DCHS2: variants seen among roughly 807,000 people sequenced by gnomAD.
The protein encoded by DCHS2 is protocadherin-23.
In DCHS2, 142 loss-of-function variants were observed where a neutral mutation model predicts 182.4. That is an observed-to-expected ratio of 0.78 (90% CI 0.68 to 0.89). DCHS2 has a LOEUF of 0.89. Among genes scored for constraint, DCHS2 ranks in the 40% least tolerant of loss-of-function variants. DCHS2 has a pLI of 0.00. For missense variants in DCHS2, 4,319 were observed against 4,198.6 expected, an observed-to-expected ratio of 1.03 and a Z score of -0.79; for synonymous variants, 1,740 against 1,663.3, an observed-to-expected ratio of 1.05 and a Z score of -1.12.
intron 10 of DCHS2, among the ~76,000 whole-genome samples, chr4:154,305,608 G>T (rs900122734): frequency 6.6e-6 from 1 of 152,132 alleles, no homozygotes; most frequent in Non-Finnish European, 1.5e-5. Context: ...AATTTCTGTA[G>T]ATTGACCTGC....
In DCHS2 at chr4:154,235,822, T is replaced by G. The variant is rs762627103; in HGVS notation, c.8830A>C (p.Ile2944Leu). Residue 2944 changes from isoleucine (I) to leucine (L), a missense_variant, in exon 20 of 20, where the codon ATA (isoleucine) becomes CTA (leucine). By Grantham distance (5) the Ile-to-Leu change is conservative. Coordinates refer to ENST00000357232, the MANE Select transcript of DCHS2 (RefSeq NM_001358235.2). ...NIYLIRALPL[I>L]KSQLNKEDTL... Reference sequence around the variant, plus strand: ...TCTTCTTTGTTGAGTTGACTTTTTATTAGGGGAAGGGCTCTAATCAAATAA... The same window carrying G: ...TCTTCTTTGTTGAGTTGACTTTTTAGTAGGGGAAGGGCTCTAATCAAATAA... The G allele has an allele frequency of 3.7e-6, 6 of 1,613,796 alleles. No individual in the cohort carries two copies. In the East Asian group the frequency reaches 1.3e-4, roughly 36 times the overall value.
chr4:154,380,926 G>C (rs1731138471), intron 1 of DCHS2, among the ~76,000 whole-genome samples: 2 of 151,916 alleles, frequency 1.3e-5, no homozygotes, highest in African/African-American at 4.8e-5. Flanking sequence ...TAAAATTTAG[G>C]CAAATTGAGT....
At chr4:154,481,738 C>T (rs1047221208) in intron 1 of DCHS2, among the ~76,000 whole-genome samples, 36 of 152,208 alleles carry the variant, frequency 2.4e-4, no homozygotes, top group Non-Finnish European at 8.8e-5. Context: ...ATTATCATCC[C>T]TATTTTATGG....
chr4:154,391,296 A>T (rs748188550), intron 1 of DCHS2: 14 of 1,586,418 alleles, frequency 8.8e-6, no homozygotes, highest in Non-Finnish European at 1.1e-5. Flanking sequence ...ATCCAGTCTC[A>T]TGATTTTAAA....
intron 1 of DCHS2, among the ~76,000 whole-genome samples, chr4:154,432,388 G>A (rs1733595307): frequency 6.6e-6 from 1 of 152,114 alleles, no homozygotes; most frequent in Admixed American, 6.6e-5. Context: ...CTTAAAACAA[G>A]CCACATAACT....
chr4:154,238,288 G>A (rs188069817), intron 19 of DCHS2, among the ~76,000 whole-genome samples: 25 of 152,280 alleles, frequency 1.6e-4, no homozygotes, highest in African/African-American at 5.8e-4. Flanking sequence ...TACAACACCC[G>A]GTGGGCTTCA....
intron 3 of DCHS2, among the ~76,000 whole-genome samples, chr4:154,353,709 G>A (rs1047773504): frequency 4.6e-5 from 7 of 152,260 alleles, no homozygotes; most frequent in Middle Eastern, 6.8e-3. Context: ...TTCCTCTAGC[G>A]AAGTGCTACG....
rs1402638040 is a variant in DCHS2, at chr4:154,324,552, G to GGT, written c.4019-2065_4019-2064insAC. ...CATTCATATTGATGCTTATAATTTA[G>GGT]ATTGGTATCATAAGGTTTTGAGTTA... is the stretch of plus-strand genomic sequence containing the variant. On this transcript the variant is annotated intron_variant, in intron 7 of 19. Transcript: ENST00000357232. Among the ~76,000 whole-genome samples the GGT allele has an allele frequency of 2.5e-3, 377 of 152,282 alleles. 2 individuals are homozygous for GGT. The highest frequency in any genetic ancestry group is 8.5e-3 in the African/African-American group (355 of 41,570).
chr4:154,335,162 C>T, intron 3 of DCHS2, 58 bp from the exon 4 acceptor site: 5 of 1,079,460 alleles, frequency 4.6e-6, no homozygotes, highest in Non-Finnish European at 7.2e-6. Flanking sequence ...TACTGATGAG[C>T]AATAGTAACA....
chr4:154,449,932 C>T (rs1262889348), intron 1 of DCHS2, among the ~76,000 whole-genome samples: 3 of 152,202 alleles, frequency 2.0e-5, no homozygotes. Flanking sequence ...ATCCTTTCCT[C>T]CTTCCACTCT....
At chr4:154,489,014 C>G (rs1728688838) in intron 1 of DCHS2, among the ~76,000 whole-genome samples, 1 of 151,658 alleles carries the variant, frequency 6.6e-6, no homozygotes, top group South Asian at 2.1e-4. Context: ...CCTCCTGAAC[C>G]TATTTAGGTG....
intron 1 of DCHS2, among the ~76,000 whole-genome samples, chr4:154,390,780 T>A (rs753561300): frequency 6.6e-6 from 1 of 152,192 alleles, no homozygotes; most frequent in Non-Finnish European, 1.5e-5. Context: ...ATTTGTACTA[T>A]TCTTCATCAC....
Position 154,267,831 on chromosome 4 carries a change from T to C in DCHS2, c.6577+2069A>G, listed in dbSNP as rs538308817. ...CAGATGCAGCCTCTCCAGTAGTTTT[T>C]GTATTTTTCAGTCCAAACCTATTTC... On this transcript the variant is annotated intron_variant, in intron 14 of 19. Transcript: ENST00000357232. Among the ~76,000 whole-genome samples, 8 of 152,356 alleles carry C rather than the reference T, an allele frequency of 5.3e-5. No homozygotes were observed. In the South Asian group the frequency reaches 1.2e-3, roughly 24 times the overall value.
intron 1 of DCHS2, among the ~76,000 whole-genome samples, chr4:154,476,806 CT>C: frequency 6.6e-6 from 1 of 152,264 alleles, no homozygotes; most frequent in South Asian, 2.1e-4. Context: ...CAGGTTCTAT[CT>C]GATATATGAT....
intron 13 of DCHS2, among the ~76,000 whole-genome samples, chr4:154,275,883 A>G (rs574593082): frequency 4.7e-4 from 72 of 152,294 alleles, no homozygotes; most frequent in African/African-American, 1.7e-3. Flanking sequence ...TAAAGGAACA[A>G]TCCTATTTTT....
At position 154,490,425 on chromosome 4, in the gene DCHS2, G is replaced by T. The variant is rs1191941042; in HGVS notation, c.931C>A (p.Pro311Thr). Residue 311 changes from proline to threonine, a missense_variant, in exon 1 of 20, where the codon CCG becomes ACG. By Grantham distance (38) the Pro-to-Thr change is conservative. Coordinates refer to ENST00000357232, the MANE Select transcript of DCHS2 (RefSeq NM_001358235.2). ...YRAAVREDAQ[P>T]GAEVCRVRAT... ...CGCACGCGACAGACCTCGGCGCCCG[G>T]CTGGGCGTCCTCGCGCACCGCGGCG... 2.6e-6 allele frequency: 4 copies of T among 1,533,836 alleles called. No individual in the cohort carries two copies. The highest frequency in any genetic ancestry group is 2.0e-5 in the Admixed American group (1 of 50,802).
intron 1 of DCHS2, among the ~76,000 whole-genome samples, chr4:154,456,913 T>G (rs1734793580): frequency 6.6e-6 from 1 of 152,144 alleles, no homozygotes; most frequent in Non-Finnish European, 1.5e-5. Flanking sequence ...TGCGTTGTGA[T>G]TTTTTCCACT....
At chr4:154,373,280 T>C (rs1185083511) in intron 2 of DCHS2, among the ~76,000 whole-genome samples, 1 of 152,322 alleles carries the variant, frequency 6.6e-6, no homozygotes, top group East Asian at 1.9e-4. Context: ...GAGGGACATG[T>C]ACTGCTAAAT....
intron 1 of DCHS2, among the ~76,000 whole-genome samples, chr4:154,391,587 G>C (rs965405103): frequency 6.6e-6 from 1 of 152,178 alleles, no homozygotes; most frequent in Admixed American, 6.5e-5. Flanking sequence ...CAGGCAAAAA[G>C]ACAAGGCGAT....
Sources: gnomAD v4.1 joint callset for allele counts (sites outside exome capture counted in the v4.1 genomes callset) on GRCh38, gnomAD v4.1.1 for gene constraint, MANE v1.5 for transcripts, NCBI Gene and HGNC (gene_info 2026-07-23, HGNC 2026-07-21) for gene names.